The following NAV2 variants were observed in gnomAD, a reference collection of about 807,000 sequenced individuals.
NAV2 encodes the protein neuron navigator 2, also known as helicase, APC down-regulated 1.
In NAV2, 54 loss-of-function variants were observed where a neutral mutation model predicts 223.2. That is an observed-to-expected ratio of 0.24 (90% CI 0.19 to 0.30). NAV2 has a LOEUF of 0.30. Ranked by LOEUF, NAV2 falls within the 10% of genes least tolerant of loss-of-function variation. NAV2 has a pLI of 1.00. For missense variants in NAV2, 2,806 were observed against 3,147.5 expected (o/e 0.89, Z 2.60); for synonymous variants, 1,279 against 1,239.3 (o/e 1.03, Z -0.67).
At chr11:19,631,271 A>G (rs1590732531) in intron 1 of NAV2, among the ~76,000 whole-genome samples, 1 of 145,390 alleles carries the variant, frequency 6.9e-6, no homozygotes, top group South Asian at 2.2e-4. Context: ...CCCACCCCAC[A>G]ACAGTCCCCG....
chr11:19,621,187 A>G (rs1389122699), intron 1 of NAV2, among the ~76,000 whole-genome samples: 3 of 152,182 alleles, frequency 2.0e-5, no homozygotes, highest in Non-Finnish European at 4.4e-5. Flanking sequence ...GGATTTTTGC[A>G]TCGATGTTCA....
chr11:19,811,861 T>C (rs534744910), intron 1 of NAV2, among the ~76,000 whole-genome samples: 2 of 152,318 alleles, frequency 1.3e-5, no homozygotes, highest in East Asian at 3.9e-4. Context: ...ATTCAATTCC[T>C]ACTATGTGCT....
At chr11:19,349,960 A>G (rs1266904959), upstream of NAV2, among the ~76,000 whole-genome samples, 1 of 152,092 alleles carries the variant, frequency 6.6e-6, no homozygotes, top group Non-Finnish European at 1.5e-5. Flanking sequence ...ACCCTCCCTG[A>G]GGACCCTGGT....
chr11:19,710,151 C>T (rs565825201), upstream of NAV2, among the ~76,000 whole-genome samples: 2 of 152,236 alleles, frequency 1.3e-5, no homozygotes, highest in Non-Finnish European at 2.9e-5. Context: ...TTCACTATTT[C>T]CATTTATATA....
chr11:19,741,321 A>G (rs1313344717), intron 1 of NAV2, among the ~76,000 whole-genome samples: 1 of 152,034 alleles, frequency 6.6e-6, no homozygotes, highest in African/African-American at 2.4e-5. Context: ...ACAATATAAT[A>G]TTAACTATAG....
In NAV2 at chr11:19,393,530, T is replaced by G. The variant is rs188074800; in HGVS notation, c.75+42503T>G. Among the ~76,000 whole-genome samples the G allele has an allele frequency of 2.5e-4, 38 of 152,364 alleles. No individual in the cohort carries two copies. In the East Asian group the frequency reaches 7.3e-3, roughly 29 times the overall value. ...AAAGGCTTATAAAATATGAGCTATATCTGTACTATGAAATTATATGTGTGA... is the reference window on the plus strand; with the variant it reads ...AAAGGCTTATAAAATATGAGCTATAGCTGTACTATGAAATTATATGTGTGA... On this transcript the variant is annotated intron_variant, in intron 1 of 37. Coordinates refer to the NAV2 transcript ENST00000360655.
At chr11:19,423,072 C>A (rs550451991) in intron 1 of NAV2, among the ~76,000 whole-genome samples, 1 of 152,264 alleles carries the variant, frequency 6.6e-6, no homozygotes, top group African/African-American at 2.4e-5. Flanking sequence ...ATAATATATG[C>A]AGGATATTTA....
At chr11:19,900,523 A>T (rs1370078536) in intron 6 of NAV2, among the ~76,000 whole-genome samples, 3 of 152,124 alleles carry the variant, frequency 2.0e-5, no homozygotes, top group Admixed American at 6.5e-5. Context: ...GTACCCCTGC[A>T]TTCCCAGGTA....
chr11:19,628,318 A>G lies in NAV2; in HGVS notation c.76-204166A>G, dbSNP rs565538195. Among the ~76,000 whole-genome samples the G allele has an allele frequency of 2.0e-4, 31 of 152,322 alleles. No homozygotes were observed. In the East Asian group the frequency reaches 5.6e-3, roughly 28 times the overall value. Reference sequence around the variant, plus strand: ...GGCTCTGGGGCAAGCACACCCAGGAACATCCACTCCCGCTTCCCCACTGCC... The same window carrying G: ...GGCTCTGGGGCAAGCACACCCAGGAGCATCCACTCCCGCTTCCCCACTGCC... On this transcript the variant is annotated intron_variant, in intron 1 of 37. Transcript: ENST00000360655.
chr11:19,613,685 C>G (rs746389884), intron 1 of NAV2, among the ~76,000 whole-genome samples: 1 of 152,332 alleles, frequency 6.6e-6, no homozygotes, highest in South Asian at 2.1e-4. Context: ...AACTTTTCAT[C>G]GTGGGCAAGA....
chr11:20,084,844 A>G (rs1205865110), intron 26 of NAV2, among the ~76,000 whole-genome samples: 5 of 152,168 alleles, frequency 3.3e-5, no homozygotes, highest in Non-Finnish European at 1.5e-5. Flanking sequence ...CTTTTTGTAT[A>G]GCAACCTGTG....
chr11:19,488,058 C>G (rs192432067), intron 1 of NAV2, among the ~76,000 whole-genome samples: 21 of 152,280 alleles, frequency 1.4e-4, no homozygotes, highest in African/African-American at 4.6e-4. Flanking sequence ...TTCCCCACCT[C>G]CTCCAGCTTC....
At chr11:20,056,067 C>T (rs541929107) in intron 19 of NAV2, 110 bp downstream of exon 19, 1 of 991,854 alleles carries the variant, frequency 1.0e-6, no homozygotes, top group South Asian at 1.6e-5. Context: ...GAGAGCCCAC[C>T]TATAAGTGCT....
chr11:20,065,619 G>C (rs11025366), intron 20 of NAV2, among the ~76,000 whole-genome samples: 14 of 152,288 alleles, frequency 9.2e-5, no homozygotes, highest in African/African-American at 3.1e-4. Flanking sequence ...CAGCGGCAAG[G>C]GGGGCAAGAT....
At chr11:19,901,508 C>T (rs1236122622) in intron 6 of NAV2, among the ~76,000 whole-genome samples, 4 of 152,220 alleles carry the variant, frequency 2.6e-5, no homozygotes, top group Non-Finnish European at 5.9e-5. Flanking sequence ...GATCACACCA[C>T]TGCACTTCCT....
rs187504697 is a variant in NAV2 at position 20,040,860 on chromosome 11, C to T, written c.2908-3121C>T. Among the ~76,000 whole-genome samples the T allele has an allele frequency of 2.0e-3, 309 of 152,248 alleles. 3 individuals carry two copies. The highest frequency in any genetic ancestry group is 2.9e-3 in the Non-Finnish European group (194 of 68,034). On this transcript the variant is annotated intron_variant, in intron 12 of 37. Coordinates refer to ENST00000349880, the MANE Select transcript of NAV2 (RefSeq NM_145117.5). ...CCAGGAACAGAGAGGCTGGGACTTTCTCGTTTTTTAATCCCAAGGGGTGCC... is the reference window on the plus strand; with the variant it reads ...CCAGGAACAGAGAGGCTGGGACTTTTTCGTTTTTTAATCCCAAGGGGTGCC...
intron 1 of NAV2, among the ~76,000 whole-genome samples, chr11:19,353,097 A>C (rs761253912): frequency 3.9e-5 from 6 of 152,184 alleles, no homozygotes; most frequent in African/African-American, 1.2e-4. Flanking sequence ...AAATCCAACA[A>C]AGGCACAATC....
At chr11:20,016,594 TCAC>T (rs2054022766) in intron 11 of NAV2, among the ~76,000 whole-genome samples, 1 of 152,188 alleles carries the variant, frequency 6.6e-6, no homozygotes. Flanking sequence ...GAGCACAGTA[TCAC>T]CACTTCACTG....
chr11:19,472,340 C>T (rs1278565833), intron 1 of NAV2, among the ~76,000 whole-genome samples: 1 of 152,154 alleles, frequency 6.6e-6, no homozygotes, highest in Admixed American at 6.5e-5. Flanking sequence ...CCACTCTGTG[C>T]CTCAGGTTCC....
Sources: allele counts gnomAD v4.1 joint callset (sites outside exome capture counted in the v4.1 genomes callset), GRCh38; gene constraint gnomAD v4.1.1; transcripts MANE v1.5; gene names NCBI Gene and HGNC (gene_info 2026-07-23, HGNC 2026-07-21).